KATNAL1: variants seen among roughly 807,000 people sequenced by gnomAD.
KATNAL1 encodes katanin catalytic subunit A1 like 1.
In KATNAL1, 32 loss-of-function variants were observed where a neutral mutation model predicts 55.2. That is an observed-to-expected ratio of 0.58 (90% CI 0.44 to 0.78). The LOEUF (loss-of-function observed/expected upper bound fraction) is 0.78. KATNAL1 is among the 30% of genes least tolerant of loss of function. The pLI is 0.00. For missense variants in KATNAL1, 466 were observed against 600.9 expected (o/e 0.78, Z 2.35); for synonymous variants, 193 against 193.6 (o/e 1.00, Z 0.02).
intron 3 of KATNAL1, among the ~76,000 whole-genome samples, chr13:30,271,604 C>T (rs1298570134): frequency 1.3e-5 from 2 of 152,068 alleles, no homozygotes; most frequent in African/African-American, 4.8e-5. Context: ...GGGAAATCCA[C>T]CCCCATGATC....
At chr13:30,254,088 G>A (rs915966009) in intron 4 of KATNAL1, among the ~76,000 whole-genome samples, 1 of 152,144 alleles carries the variant, frequency 6.6e-6, no homozygotes, top group Non-Finnish European at 1.5e-5. Context: ...GTAAATTCAA[G>A]ACTGAAAGTT....
intron 9 of KATNAL1, among the ~76,000 whole-genome samples, chr13:30,224,757 G>A (rs1195706664): frequency 1.3e-5 from 2 of 151,984 alleles, no homozygotes; most frequent in Non-Finnish European, 2.9e-5. Flanking sequence ...ATGAAGAATA[G>A]AGATAAATTA....
chr13:30,212,901 G>A (rs61946920), intron 9 of KATNAL1, among the ~76,000 whole-genome samples: 19,358 of 152,188 alleles, frequency 0.13, 1,582 homozygotes, highest in Admixed American at 0.23. Flanking sequence ...GGTAATTAAG[G>A]TAAAATGAGG....
chr13:30,236,439 C>T (rs1466960776), intron 6 of KATNAL1, among the ~76,000 whole-genome samples: 3 of 152,134 alleles, frequency 2.0e-5, no homozygotes, highest in Non-Finnish European at 2.9e-5. Flanking sequence ...GTCTCTCTCC[C>T]GCATCCCTGT....
chr13:30,257,241 T>C (rs1195108284), intron 3 of KATNAL1, among the ~76,000 whole-genome samples: 1 of 152,222 alleles, frequency 6.6e-6, no homozygotes, highest in African/African-American at 2.4e-5. Context: ...TTTATTTGTA[T>C]ACACTTGTGT....
At chr13:30,267,906 C>A (rs1212202921) in intron 3 of KATNAL1, among the ~76,000 whole-genome samples, 2 of 152,160 alleles carry the variant, frequency 1.3e-5, no homozygotes, top group African/African-American at 2.4e-5. Context: ...TAGCCCCACA[C>A]AAGTCAAAGA....
chr13:30,212,592 A>T (rs1873794533), intron 9 of KATNAL1, among the ~76,000 whole-genome samples: 5 of 152,194 alleles, frequency 3.3e-5, no homozygotes, highest in South Asian at 2.1e-4. Context: ...ACTTTGGAAA[A>T]CATATTGAAT....
chr13:30,282,848 G>A (rs540831391), intron 2 of KATNAL1, among the ~76,000 whole-genome samples: 18 of 151,124 alleles, frequency 1.2e-4, no homozygotes, highest in Admixed American at 4.0e-4. Context: ...CCAGCTACTC[G>A]GGAGGCTGAG....
chr13:30,210,233 G>T, intron 10 of KATNAL1, 83 bp downstream of exon 10: 1 of 1,209,462 alleles, frequency 8.3e-7, no homozygotes. Context: ...TAACTACACT[G>T]GGCTAACTAC....
intron 4 of KATNAL1, among the ~76,000 whole-genome samples, chr13:30,246,394 C>A (rs1877798226): frequency 6.6e-6 from 1 of 152,150 alleles, no homozygotes; most frequent in Non-Finnish European, 1.5e-5. Context: ...AAAATTAACT[C>A]AAGATGGATT....
chr13:30,216,681 G>A (rs1024228154), intron 9 of KATNAL1, among the ~76,000 whole-genome samples: 2 of 152,158 alleles, frequency 1.3e-5, no homozygotes, highest in African/African-American at 4.8e-5. Context: ...GCTGGTGGCA[G>A]GAGGGGTAGG....
chr13:30,235,502 C>G (rs1461991248), intron 6 of KATNAL1, among the ~76,000 whole-genome samples: 2 of 152,218 alleles, frequency 1.3e-5, no homozygotes, highest in African/African-American at 4.8e-5. Context: ...CCAACACTAC[C>G]ACATCAAGAA....
At position 30,292,641 on chromosome 13, in the gene KATNAL1, T is replaced by A. The variant is rs528468799; in HGVS notation, c.-14-8850A>T. On this transcript the variant is annotated intron_variant, in intron 1 of 10. Coordinates refer to ENST00000380615, the MANE Select transcript of KATNAL1 (RefSeq NM_032116.5). The stretch of plus-strand genomic sequence containing the variant: ...CTGTTCAACTTGGTACCTCCCTTCA[T>A]CCTGGGGAGCCCTTCTGCCTCCTCT... 1.1e-4 allele frequency among the ~76,000 whole-genome samples: 16 copies of A among 152,296 alleles called. No homozygotes were observed. The South Asian group carries it at 2.9e-3, about 28-fold the overall frequency.
Position 30,204,590 on chromosome 13 carries a change from A to G in KATNAL1, c.*3950T>C, listed in dbSNP as rs918056343. On this transcript the variant is annotated 3_prime_UTR_variant, in exon 11 of 11. Transcript: ENST00000380615. Reference sequence around the variant, plus strand: ...GAGTACTAATAATTTCATGTTCAACAGAGTCAGGCTATACAAAACAAAGTC... The same window carrying G: ...GAGTACTAATAATTTCATGTTCAACGGAGTCAGGCTATACAAAACAAAGTC... The G allele has an allele frequency of 3.3e-5, 5 of 152,242 alleles. No individual in the cohort carries two copies. Among genetic ancestry groups the G allele is most frequent in the Admixed American group, 1.3e-4 (2 of 15,290 alleles). 9.4% of individuals were successfully genotyped at this position (152,242 alleles called of 1,614,324 possible).
At chr13:30,221,310 G>C (rs564289378) in intron 9 of KATNAL1, among the ~76,000 whole-genome samples, 2 of 152,308 alleles carry the variant, frequency 1.3e-5, no homozygotes, top group East Asian at 3.9e-4. Flanking sequence ...AAAGAAAACT[G>C]TTTGCATGTA....
chr13:30,257,425 T>C (rs1212499920), intron 3 of KATNAL1, among the ~76,000 whole-genome samples: 1 of 152,236 alleles, frequency 6.6e-6, no homozygotes, highest in Non-Finnish European at 1.5e-5. Context: ...ACTCAAGAGC[T>C]AGCCAGAGCC....
At chr13:30,273,029 C>G (rs765535979) in intron 3 of KATNAL1, among the ~76,000 whole-genome samples, 1 of 152,224 alleles carries the variant, frequency 6.6e-6, no homozygotes, top group Non-Finnish European at 1.5e-5. Flanking sequence ...ACTCCCTCTA[C>G]ATGTGCATTA....
intron 3 of KATNAL1, among the ~76,000 whole-genome samples, chr13:30,260,779 A>C (rs1243814331): frequency 6.8e-6 from 1 of 148,034 alleles, no homozygotes; most frequent in African/African-American, 2.5e-5. Context: ...AATGGAACCA[A>C]GTTGGAAAAC....
At chr13:30,279,257 C>T (rs1881090427) in intron 3 of KATNAL1, among the ~76,000 whole-genome samples, 1 of 152,136 alleles carries the variant, frequency 6.6e-6, no homozygotes, top group Admixed American at 6.5e-5. Flanking sequence ...GTGCCAAACC[C>T]TGCGTTAGCA....
Sources: gnomAD v4.1 joint callset for allele counts (sites outside exome capture counted in the v4.1 genomes callset) on GRCh38, gnomAD v4.1.1 for gene constraint, MANE v1.5 for transcripts, NCBI Gene and HGNC (gene_info 2026-07-23, HGNC 2026-07-21) for gene names.